The following PLCB4 variants were observed in gnomAD, a reference collection of about 807,000 sequenced individuals.
PLCB4 encodes the protein 1-phosphatidylinositol 4,5-bisphosphate phosphodiesterase beta-4.
PLCB4 carries 77 observed loss-of-function variants against 178.8 expected under a neutral mutation model. The observed-to-expected ratio is 0.43, with a 90% CI of 0.36 to 0.52. PLCB4 has a LOEUF of 0.52. PLCB4 is among the 20% of genes least tolerant of loss of function. The pLI, the probability that PLCB4 is intolerant of heterozygous loss-of-function variation, is 0.00. For synonymous variants in PLCB4, 496 were observed against 490.8 expected (o/e 1.01, Z -0.14); for missense variants, 1,024 against 1,453.4 (o/e 0.70, Z 4.80).
intron 2 of PLCB4, among the ~76,000 whole-genome samples, chr20:9,111,985 T>G (rs2091592103): frequency 6.6e-6 from 1 of 152,124 alleles, no homozygotes; most frequent in Non-Finnish European, 1.5e-5. Context: ...TTACCTAAAA[T>G]TTTTCTAAAA....
At chr20:9,088,250 T>A (rs1489235173) in intron 1 of PLCB4, among the ~76,000 whole-genome samples, 3 of 152,048 alleles carry the variant, frequency 2.0e-5, no homozygotes, top group Non-Finnish European at 4.4e-5. Flanking sequence ...TGAATTTTCT[T>A]TGAAGAGTTT....
intron 2 of PLCB4, among the ~76,000 whole-genome samples, chr20:9,191,120 G>T (rs551526522): frequency 6.6e-6 from 1 of 152,056 alleles, no homozygotes; most frequent in East Asian, 1.9e-4. Flanking sequence ...GCATTTTATA[G>T]CAGGATAGAA....
chr20:9,097,373 G>C (rs1287768504), intron 2 of PLCB4, among the ~76,000 whole-genome samples: 1 of 151,828 alleles, frequency 6.6e-6, no homozygotes, highest in Non-Finnish European at 1.5e-5. Context: ...TGGAGACTGG[G>C]AAACCGCTAG....
chr20:9,371,012 A>G (rs1381293280), intron 9 of PLCB4: 4 of 532,168 alleles, frequency 7.5e-6, no homozygotes, highest in African/African-American at 1.9e-5. Flanking sequence ...AAGTTGCATC[A>G]CTAGACTAAC....
At chr20:9,224,017 C>A (rs562408081) in intron 3 of PLCB4, among the ~76,000 whole-genome samples, 1 of 152,108 alleles carries the variant, frequency 6.6e-6, no homozygotes, top group Non-Finnish European at 1.5e-5. Context: ...TTTTCCATTT[C>A]GTACTTTTGG....
At position 9,131,399 on chromosome 20, in the gene PLCB4, G is replaced by T. The variant is rs554452763; in HGVS notation, c.-79+35057G>T. 2.0e-5 allele frequency among the ~76,000 whole-genome samples: 3 copies of T among 151,964 alleles called. No individual in the cohort carries two copies. The East Asian group carries it at 5.8e-4, about 29-fold the overall frequency. Reference sequence around the variant, plus strand: ...AGTTGAGCTCTGAATCTTACCTTGGGTCCTCAGTAATAAGATATTATTGGA... The same window carrying T: ...AGTTGAGCTCTGAATCTTACCTTGGTTCCTCAGTAATAAGATATTATTGGA... On this transcript the variant is annotated intron_variant, in intron 2 of 39. Coordinates refer to ENST00000378473, the MANE Select transcript of PLCB4 (RefSeq NM_001377142.1).
intron 2 of PLCB4, among the ~76,000 whole-genome samples, chr20:9,216,667 T>G (rs1363039281): frequency 6.1e-5 from 1 of 16,484 alleles, no homozygotes; most frequent in African/African-American, 8.0e-4. Flanking sequence ...ACTTGGCTAA[T>G]TTTTGTATTT....
At position 9,461,708 on chromosome 20, in the gene PLCB4, C is replaced by T. The variant is rs548472541; in HGVS notation, c.3248+1898C>T. On this transcript the variant is annotated intron_variant, in intron 35 of 39. Transcript: ENST00000378473. ...GGCAGCAACCTGGCTGGGGTAGGAG[C>T]GTCCACCATTGCTGAGGCTTGAGTA... is the stretch of plus-strand genomic sequence containing the variant. Among the ~76,000 whole-genome samples, 13 of 152,274 alleles carry T rather than the reference C, an allele frequency of 8.5e-5. No individual in the cohort carries two copies. The East Asian group carries it at 2.3e-3, about 27-fold the overall frequency.
chr20:9,183,202 G>A (rs959172713), intron 2 of PLCB4, among the ~76,000 whole-genome samples: 9 of 152,206 alleles, frequency 5.9e-5, no homozygotes, highest in South Asian at 4.2e-4. Context: ...CACCTATCTC[G>A]TGAAAATGTG....
chr20:9,150,232 C>T (rs1056949175), intron 2 of PLCB4, among the ~76,000 whole-genome samples: 7 of 152,192 alleles, frequency 4.6e-5, no homozygotes, highest in Non-Finnish European at 8.8e-5. Flanking sequence ...GAATGCTCAA[C>T]ACTATTAGTT....
intron 2 of PLCB4, among the ~76,000 whole-genome samples, chr20:9,120,469 C>G (rs2146746525): frequency 6.7e-6 from 1 of 150,258 alleles, no homozygotes; most frequent in South Asian, 2.1e-4. Context: ...TCCTTTCTCT[C>G]TCTTAGCAAC....
At chr20:9,434,725 AT>A (rs1432759874) in intron 28 of PLCB4, among the ~76,000 whole-genome samples, 3 of 152,060 alleles carry the variant, frequency 2.0e-5, no homozygotes, top group Non-Finnish European at 4.4e-5. Context: ...AGAAAAAAAA[AT>A]TGAAACCTAG....
intron 2 of PLCB4, among the ~76,000 whole-genome samples, chr20:9,116,804 A>C (rs1443554085): frequency 6.6e-6 from 1 of 152,190 alleles, no homozygotes; most frequent in African/African-American, 2.4e-5. Context: ...CATCTTTAAC[A>C]TATCGAGTCT....
rs138228336 is a variant in PLCB4 at position 9,182,859 on chromosome 20, G to A, written c.-78-34531G>A. 1.8e-3 allele frequency among the ~76,000 whole-genome samples: 280 copies of A among 152,308 alleles called. 1 individual carries two copies. Among genetic ancestry groups the A allele is most frequent in the African/African-American group, 6.2e-3 (259 of 41,574 alleles). On this transcript the variant is annotated intron_variant, in intron 2 of 39. Transcript: ENST00000378473. ...CCAGCAGCAACAGTTTGGGGATCAT[G>A]TGAAAGAAAAGTAATAAATACCTAT...
chr20:9,421,150 T>G lies in PLCB4; in HGVS notation c.2155-147T>G, dbSNP rs1035433691. The G allele has an allele frequency of 4.0e-5, 23 of 574,786 alleles. No homozygotes were observed. In the South Asian group the frequency reaches 6.3e-4, roughly 16 times the overall value. The allele number at this position is 574,786 out of a possible 1,614,324, so 35.6% of individuals were successfully genotyped here. A position where few individuals can be genotyped will look rare whatever the true frequency, so the allele number is the denominator to read the frequency against. ...TAGTAGTTGTTCGATAATGTTTTGG[T>G]TTGATAGAAATGAATACATTATTGC... On this transcript the variant is annotated intron_variant, in intron 26 of 39. Coordinates refer to ENST00000378473, the MANE Select transcript of PLCB4 (RefSeq NM_001377142.1).
chr20:9,147,551 G>T (rs1190786561), intron 2 of PLCB4, among the ~76,000 whole-genome samples: 1 of 152,068 alleles, frequency 6.6e-6, no homozygotes, highest in Non-Finnish European at 1.5e-5. Flanking sequence ...CGCTGGGTTA[G>T]TTCATATGTC....
chr20:9,251,498 G>A (rs1321932494), intron 3 of PLCB4, among the ~76,000 whole-genome samples: 1 of 152,152 alleles, frequency 6.6e-6, no homozygotes, highest in Admixed American at 6.5e-5. Context: ...CTCGGTAGTG[G>A]CATCAAGGAC....
intron 2 of PLCB4, among the ~76,000 whole-genome samples, chr20:9,192,757 G>A (rs1377156141): frequency 6.6e-6 from 1 of 151,556 alleles, no homozygotes; most frequent in Admixed American, 6.6e-5. Context: ...TGAGGCTACA[G>A]TGAACTGCAC....
intron 9 of PLCB4, 112 bp downstream of exon 9, chr20:9,365,626 C>A: frequency 1.7e-6 from 1 of 572,222 alleles, no homozygotes; most frequent in South Asian, 3.1e-5. Flanking sequence ...AAAGATATTT[C>A]TGGAATCTTA....
Sources: gnomAD v4.1 joint callset for allele counts (sites outside exome capture counted in the v4.1 genomes callset) on GRCh38, gnomAD v4.1.1 for gene constraint, MANE v1.5 for transcripts, NCBI Gene and HGNC (gene_info 2026-07-23, HGNC 2026-07-21) for gene names.